KLHL18: variants seen among roughly 807,000 people sequenced by gnomAD.
The protein encoded by KLHL18 is kelch like family member 18.
In KLHL18, 38 loss-of-function variants were observed where a neutral mutation model predicts 58.5. The observed-to-expected ratio is 0.65, with a 90% CI of 0.50 to 0.85. KLHL18 has a LOEUF of 0.85. Ranked by LOEUF, KLHL18 falls within the 40% of genes least tolerant of loss-of-function variation. The probability of loss-of-function intolerance (pLI) is 0.00; values close to 1 mark genes in which losing one functional copy is unlikely to be tolerated. For synonymous variants in KLHL18, 303 were observed against 301.9 expected, an observed-to-expected ratio of 1.00 and a Z score of -0.04; for missense variants, 624 against 778.4, an observed-to-expected ratio of 0.80 and a Z score of 2.36.
At chr3:47,286,336 A>G (rs185611168) in intron 1 of KLHL18, among the ~76,000 whole-genome samples, 1 of 152,296 alleles carries the variant, frequency 6.6e-6, no homozygotes, top group East Asian at 1.9e-4. Flanking sequence ...TGCACATTTC[A>G]CTACTTGCCA....
At chr3:47,320,004 G>T (rs980521271) in intron 2 of KLHL18, among the ~76,000 whole-genome samples, 1 of 151,830 alleles carries the variant, frequency 6.6e-6, no homozygotes, top group African/African-American at 2.4e-5. Context: ...TACTATAAGA[G>T]AAATACATTT....
At chr3:47,298,159 G>A (rs887440348) in intron 1 of KLHL18, among the ~76,000 whole-genome samples, 10 of 151,912 alleles carry the variant, frequency 6.6e-5, no homozygotes, top group African/African-American at 2.4e-4. Flanking sequence ...GCAGAAGGAA[G>A]CCTTAAATCC....
intron 1 of KLHL18, among the ~76,000 whole-genome samples, chr3:47,307,753 A>AT (rs1371693659): frequency 2.0e-5 from 3 of 151,826 alleles, no homozygotes; most frequent in Non-Finnish European, 1.5e-5. Context: ...ATTCAATTTG[A>AT]TTTTTTTTCC....
At chr3:47,314,780 T>A (rs1703383958) in intron 1 of KLHL18, among the ~76,000 whole-genome samples, 1 of 152,228 alleles carries the variant, frequency 6.6e-6, no homozygotes, top group Non-Finnish European at 1.5e-5. Context: ...CTTTAGCTAT[T>A]CCTTATAAGA....
At chr3:47,339,258 G>A (rs1704052420) in intron 7 of KLHL18, among the ~76,000 whole-genome samples, 3 of 152,102 alleles carry the variant, frequency 2.0e-5, no homozygotes, top group Admixed American at 2.0e-4. Context: ...ACTTTGGGAG[G>A]CTAAGGCGGG....
rs544634421 is a variant in KLHL18, at chr3:47,344,622, G to A, written c.*681G>A. On this transcript the variant is annotated 3_prime_UTR_variant, in exon 10 of 10. Coordinates refer to ENST00000232766, the MANE Select transcript of KLHL18 (RefSeq NM_025010.5). ...AAAAGATACTTGAAAGAAACTGAAG[G>A]AAATTTAAACAAAGAAACACTTGAA... 1 of 152,710 alleles carries A rather than the reference G, an allele frequency of 6.5e-6. No homozygotes were observed. Among genetic ancestry groups the A allele is most frequent in the East Asian group, 1.9e-4 (1 of 5,180 alleles). 9.5% of individuals were successfully genotyped at this position (152,710 alleles called of 1,614,324 possible).
At chr3:47,340,118 G>A (rs115425838) in intron 7 of KLHL18, among the ~76,000 whole-genome samples, 120 of 152,310 alleles carry the variant, frequency 7.9e-4, no homozygotes, top group Non-Finnish European at 1.5e-3. Flanking sequence ...TGCTTTGTGG[G>A]CTGGAACTTT....
At chr3:47,322,109 C>CT (rs1416152645) in intron 2 of KLHL18, among the ~76,000 whole-genome samples, 1 of 152,048 alleles carries the variant, frequency 6.6e-6, no homozygotes, top group African/African-American at 2.4e-5. Flanking sequence ...CAAAAACGTT[C>CT]TAACAGCAAT....
rs752258285 is a variant in KLHL18, at chr3:47,319,635, A to G, written c.130-18A>G. 22 of 1,610,106 alleles carry G rather than the reference A, an allele frequency of 1.4e-5. No individual in the cohort carries two copies. The highest frequency in any genetic ancestry group is 1.8e-5 in the Non-Finnish European group (21 of 1,178,018). On this transcript the variant is annotated intron_variant, in intron 1 of 9. Transcript: ENST00000232766. The stretch of plus-strand genomic sequence containing the variant: ...TGCATTCCTCAATATCTGTCTTTGT[A>G]TTTTACTTTGCCCACAGATTGGGGA...
intron 3 of KLHL18, among the ~76,000 whole-genome samples, chr3:47,328,763 C>A (rs1466297497): frequency 6.6e-6 from 1 of 152,124 alleles, no homozygotes; most frequent in Non-Finnish European, 1.5e-5. Flanking sequence ...GTATAAAAGG[C>A]CTAGCAAAAC....
chr3:47,293,812 T>C (rs1702839567), intron 1 of KLHL18, among the ~76,000 whole-genome samples: 1 of 152,228 alleles, frequency 6.6e-6, no homozygotes, highest in South Asian at 2.1e-4. Flanking sequence ...TTGCCCATCT[T>C]TTGTTTCCTC....
At chr3:47,294,005 A>T (rs1017834725) in intron 1 of KLHL18, among the ~76,000 whole-genome samples, 1 of 152,250 alleles carries the variant, frequency 6.6e-6, no homozygotes, top group Non-Finnish European at 1.5e-5. Flanking sequence ...AGGTATCTAC[A>T]TAATAGCTGC....
rs753894234 is a variant in KLHL18 at position 47,336,642 on chromosome 3, G to C, written c.1006G>C (p.Gly336Arg). The C allele has an allele frequency of 1.2e-6, 2 of 1,614,102 alleles. No individual in the cohort carries two copies. Among genetic ancestry groups the C allele is most frequent in the East Asian group, 2.2e-5 (1 of 44,892 alleles). Residue 336 changes from glycine to arginine, a missense_variant, in exon 7 of 10, where the codon GGG (glycine) becomes CGG (arginine). Gly to Arg is a moderately radical substitution (Grantham distance 125). Transcript: ENST00000232766. ...RSRVGVAVVNGLLYAIGGYDG... is the reference protein window; with the variant it reads ...RSRVGVAVVNRLLYAIGGYDG... ...CCGCGTTGGCGTGGCTGTGGTGAACGGGCTTCTCTATGCCATCGGAGGATA... is the reference window on the plus strand; with the variant it reads ...CCGCGTTGGCGTGGCTGTGGTGAACCGGCTTCTCTATGCCATCGGAGGATA...
chr3:47,330,425 G>A (rs1009631241), intron 4 of KLHL18, among the ~76,000 whole-genome samples: 4 of 151,824 alleles, frequency 2.6e-5, no homozygotes, highest in African/African-American at 4.8e-5. Context: ...TCAGCCTCCC[G>A]AGTAGCTGGA....
chr3:47,303,264 T>C (rs535296762), intron 1 of KLHL18, among the ~76,000 whole-genome samples: 1 of 152,328 alleles, frequency 6.6e-6, no homozygotes, highest in African/African-American at 2.4e-5. Context: ...TTCCATAGCA[T>C]TGGCAATCCT....
chr3:47,317,176 G>C (rs1371854163), intron 1 of KLHL18, among the ~76,000 whole-genome samples: 1 of 152,042 alleles, frequency 6.6e-6, no homozygotes, highest in African/African-American at 2.4e-5. Flanking sequence ...GCAGTGGTAC[G>C]GTGTCTGCTC....
At chr3:47,333,786 A>G (rs1703922772) in intron 5 of KLHL18, among the ~76,000 whole-genome samples, 2 of 152,236 alleles carry the variant, frequency 1.3e-5, no homozygotes. Context: ...CAAGGGGCAG[A>G]CATGTTTACC....
At position 47,343,663 on chromosome 3, in the gene KLHL18, G is replaced by C. The variant is rs1311521821; in HGVS notation, c.1447G>C (p.Gly483Arg). ...ASLGSKMFVCGGYDGSGFLSI... is the reference protein window; with the variant it reads ...ASLGSKMFVCRGYDGSGFLSI... ...CCTGGGGAGCAAGATGTTTGTCTGC[G>C]GGGGCTACGATGGCTCTGGCTTCCT... The change falls in exon 10 of 10, where the codon GGG becomes CGG. Residue 483 changes from glycine (G) to arginine (R), a missense_variant. Gly to Arg is a moderately radical substitution (Grantham distance 125, BLOSUM62 -2). Coordinates refer to ENST00000232766, the MANE Select transcript of KLHL18 (RefSeq NM_025010.5). 1 of 1,614,088 alleles carries C rather than the reference G, an allele frequency of 6.2e-7. No individual in the cohort carries two copies. The highest frequency in any genetic ancestry group is 8.5e-7 in the Non-Finnish European group (1 of 1,180,040).
At chr3:47,308,899 T>C (rs1367880247) in intron 1 of KLHL18, among the ~76,000 whole-genome samples, 6 of 152,166 alleles carry the variant, frequency 3.9e-5, no homozygotes, top group Non-Finnish European at 8.8e-5. Context: ...CTGGTTTTTC[T>C]AGGCAGAGGA....
Sources: gnomAD v4.1 joint callset for allele counts (sites outside exome capture counted in the v4.1 genomes callset) on GRCh38, gnomAD v4.1.1 for gene constraint, MANE v1.5 for transcripts, NCBI Gene and HGNC (gene_info 2026-07-23, HGNC 2026-07-21) for gene names.